Variants in BACH2 observed in about 807,000 individuals in gnomAD.
BACH2 encodes transcription regulator protein BACH2.
Under a neutral mutation model 61.8 loss-of-function variants are expected in BACH2, and 5 were observed. The ratio of observed to expected loss-of-function variants is 0.08; its 90% CI spans 0.04 to 0.17. The LOEUF is 0.17. Among genes scored for constraint, BACH2 ranks in the 10% least tolerant of loss-of-function variants. BACH2 has a pLI of 1.00. For synonymous variants in BACH2, 446 were observed against 440.1 expected (o/e 1.01, Z -0.17); for missense variants, 824 against 1,091.1 (o/e 0.76, Z 3.45).
intron 1 of BACH2, among the ~76,000 whole-genome samples, chr6:90,281,412 A>G (rs639575): frequency 3.1e-4 from 47 of 152,180 alleles, no homozygotes; most frequent in African/African-American, 1.1e-3. Flanking sequence ...AAAACAATTA[A>G]GAAGAAAGAA....
intron 4 of BACH2, among the ~76,000 whole-genome samples, chr6:90,091,117 C>T (rs558069633): frequency 6.6e-6 from 1 of 152,266 alleles, no homozygotes; most frequent in East Asian, 1.9e-4. Context: ...GGAATTTGGG[C>T]TTCAGAATTC....
At chr6:90,084,779 C>T (rs1781861721) in intron 5 of BACH2, among the ~76,000 whole-genome samples, 1 of 152,010 alleles carries the variant, frequency 6.6e-6, no homozygotes, top group African/African-American at 2.4e-5. Context: ...AATGGTTCTG[C>T]TATAGGGCCT....
At chr6:89,996,164 G>GT (rs1307087810) in intron 6 of BACH2, among the ~76,000 whole-genome samples, 1 of 152,188 alleles carries the variant, frequency 6.6e-6, no homozygotes, top group Non-Finnish European at 1.5e-5. Flanking sequence ...CTACGGATAC[G>GT]TATCAAGGCC....
At chr6:89,952,989 C>T (rs1243570237) in intron 6 of BACH2, 1 of 152,218 alleles carries the variant, frequency 6.6e-6, no homozygotes, top group Admixed American at 6.5e-5. Context: ...GAAGGTGACG[C>T]ATGTCTACAA....
rs533337022 is a variant in BACH2 at position 90,001,238 on chromosome 6, G to A, written c.243+7364C>T. On this transcript the variant is annotated intron_variant, in intron 6 of 8. Coordinates refer to ENST00000257749, the MANE Select transcript of BACH2 (RefSeq NM_021813.4). ...CAGCCCAGGTATTAGGACAGGTTAGGCTTTGCTGTGCTAACAGATAAAACA... is the reference window on the plus strand; with the variant it reads ...CAGCCCAGGTATTAGGACAGGTTAGACTTTGCTGTGCTAACAGATAAAACA... The A allele has an allele frequency of 9.8e-5, 15 of 152,374 alleles. No homozygotes were observed. In the East Asian group the frequency reaches 1.3e-3, roughly 14 times the overall value. The allele number at this position is 152,374 out of a possible 1,614,324, so 9.4% of individuals were successfully genotyped here.
chr6:90,164,873 C>T (rs555929369), intron 4 of BACH2, among the ~76,000 whole-genome samples: 22 of 152,268 alleles, frequency 1.4e-4, no homozygotes, highest in Middle Eastern at 6.8e-3. Flanking sequence ...ACGCTTCATG[C>T]TAAAAACTCT....
chr6:90,038,746 G>A (rs1287688670), intron 5 of BACH2, among the ~76,000 whole-genome samples: 1 of 151,874 alleles, frequency 6.6e-6, no homozygotes, highest in Non-Finnish European at 1.5e-5. Context: ...TTACACAGAA[G>A]TTTACATATG....
At chr6:89,955,576 G>A (rs775087788) in intron 6 of BACH2, among the ~76,000 whole-genome samples, 1 of 152,130 alleles carries the variant, frequency 6.6e-6, no homozygotes, top group Non-Finnish European at 1.5e-5. Flanking sequence ...CCCATCTCTG[G>A]TCTACTTTCG....
intron 5 of BACH2, among the ~76,000 whole-genome samples, chr6:90,079,868 A>T (rs1255805148): frequency 6.6e-6 from 1 of 152,116 alleles, no homozygotes; most frequent in Non-Finnish European, 1.5e-5. Flanking sequence ...AGGGATGCAA[A>T]GTGGCTAAAA....
intron 5 of BACH2, among the ~76,000 whole-genome samples, chr6:90,048,398 A>G (rs1420703434): frequency 6.6e-6 from 1 of 152,168 alleles, no homozygotes; most frequent in East Asian, 1.9e-4. Flanking sequence ...CTTGGGCCTA[A>G]GCCTTCATGC....
At chr6:90,005,471 A>T (rs1413541809) in intron 6 of BACH2, among the ~76,000 whole-genome samples, 1 of 152,238 alleles carries the variant, frequency 6.6e-6, no homozygotes, top group Non-Finnish European at 1.5e-5. Context: ...CCAGAAAGCT[A>T]CTTTCTAAGG....
chr6:90,204,320 C>A (rs1410556121), intron 4 of BACH2, among the ~76,000 whole-genome samples: 1 of 152,056 alleles, frequency 6.6e-6, no homozygotes, highest in Non-Finnish European at 1.5e-5. Context: ...TTCTAGCACT[C>A]CAACTAACAC....
Position 90,070,237 on chromosome 6 carries a change from C to T in BACH2, c.-13+18724G>A, listed in dbSNP as rs185108344. Among the ~76,000 whole-genome samples the T allele has an allele frequency of 5.3e-5, 8 of 152,282 alleles. No individual in the cohort carries two copies. The East Asian group carries it at 1.4e-3, about 26-fold the overall frequency. On this transcript the variant is annotated intron_variant, in intron 5 of 8. Coordinates refer to ENST00000257749, the MANE Select transcript of BACH2 (RefSeq NM_021813.4). Reference sequence around the variant, plus strand: ...AAAGGACTCCTTCATCTTCCTTAAACCTCAGGCAATTCTGTGAAGTGAACA... The same window carrying T: ...AAAGGACTCCTTCATCTTCCTTAAATCTCAGGCAATTCTGTGAAGTGAACA...
chr6:90,086,208 C>T (rs900252515), intron 5 of BACH2, among the ~76,000 whole-genome samples: 18 of 152,138 alleles, frequency 1.2e-4, no homozygotes, highest in African/African-American at 4.1e-4. Context: ...TTAATATACA[C>T]CACATTTTGT....
At chr6:90,097,206 T>C (rs552484679) in intron 4 of BACH2, among the ~76,000 whole-genome samples, 2 of 152,360 alleles carry the variant, frequency 1.3e-5, no homozygotes, top group Admixed American at 6.5e-5. Context: ...CAAAAGCTGC[T>C]GTGTGTCCAC....
chr6:90,122,680 A>G (rs1176738273), intron 4 of BACH2, among the ~76,000 whole-genome samples: 1 of 152,234 alleles, frequency 6.6e-6, no homozygotes, highest in East Asian at 1.9e-4. Flanking sequence ...AAAGAAGAGC[A>G]CAGGCAAGAA....
intron 5 of BACH2, 108 bp downstream of exon 5, chr6:90,088,853 G>GT (rs1376388912): frequency 6.6e-6 from 1 of 150,982 alleles, no homozygotes; most frequent in Non-Finnish European, 1.5e-5. Flanking sequence ...CAGCTCCTTT[G>GT]TTAAAAAAAA....
chr6:90,062,173 G>A (rs975648690), intron 5 of BACH2, among the ~76,000 whole-genome samples: 1 of 152,194 alleles, frequency 6.6e-6, no homozygotes, highest in African/African-American at 2.4e-5. Context: ...GAACATGTGT[G>A]TGGCGTGAGC....
At chr6:90,010,367 A>G (rs1020868746) in intron 5 of BACH2, among the ~76,000 whole-genome samples, 1 of 152,194 alleles carries the variant, frequency 6.6e-6, no homozygotes, top group African/African-American at 2.4e-5. Flanking sequence ...ATATTCTTTT[A>G]TATCTGGCTT....
Sources: gnomAD v4.1 joint callset for allele counts (sites outside exome capture counted in the v4.1 genomes callset) on GRCh38, gnomAD v4.1.1 for gene constraint, MANE v1.5 for transcripts, NCBI Gene and HGNC (gene_info 2026-07-23, HGNC 2026-07-21) for gene names.